The following RXFP1 variants were observed in gnomAD, a reference collection of about 807,000 sequenced individuals.
RXFP1 encodes the protein relaxin family peptide receptor 1.
RXFP1 carries 73 observed loss-of-function variants against 89.8 expected under a neutral mutation model. The ratio of observed to expected loss-of-function variants is 0.81; its 90% confidence interval spans 0.67 to 0.99. RXFP1 has a LOEUF of 0.99. Ranked by LOEUF, RXFP1 falls within the 50% of genes least tolerant of loss-of-function variation. The probability of loss-of-function intolerance (pLI) is 0.00; values close to 1 mark genes in which losing one functional copy is unlikely to be tolerated. For synonymous variants in RXFP1, 277 were observed against 305.5 expected, an observed-to-expected ratio of 0.91 and a Z score of 0.97; for missense variants, 793 against 895.5, an observed-to-expected ratio of 0.89 and a Z score of 1.46.
intron 6 of RXFP1, 58 bp from the exon 7 acceptor site, chr4:158,612,072 T>C: frequency 7.3e-7 from 1 of 1,363,318 alleles, no homozygotes; most frequent in Non-Finnish European, 1.0e-6. Context: ...TTTTTACTTT[T>C]CTTATTGTAA....
chr4:158,532,792 G>A (rs1744379586), intron 1 of RXFP1, among the ~76,000 whole-genome samples: 1 of 152,082 alleles, frequency 6.6e-6, no homozygotes, highest in Admixed American at 6.6e-5. Context: ...GCAGATTCGG[G>A]GCTGACAAAG....
chr4:158,607,530 A>T (rs1010839397), intron 5 of RXFP1, among the ~76,000 whole-genome samples: 1 of 152,224 alleles, frequency 6.6e-6, no homozygotes. Flanking sequence ...AGTTTAAAGA[A>T]TTATAACAAG....
chr4:158,577,127 C>G (rs1354111947), intron 2 of RXFP1, among the ~76,000 whole-genome samples: 1 of 152,072 alleles, frequency 6.6e-6, no homozygotes, highest in Admixed American at 6.6e-5. Flanking sequence ...CAACCTCTGC[C>G]TCCAGGATTC....
chr4:158,573,757 C>T (rs1388159338), intron 2 of RXFP1, among the ~76,000 whole-genome samples: 1 of 152,154 alleles, frequency 6.6e-6, no homozygotes, highest in African/African-American at 2.4e-5. Flanking sequence ...TTCCTAGCCT[C>T]TCTGTACCTC....
chr4:158,615,136 A>G (rs1320969349), intron 8 of RXFP1, among the ~76,000 whole-genome samples: 1 of 152,148 alleles, frequency 6.6e-6, no homozygotes, highest in African/African-American at 2.4e-5. Context: ...AATTGGCTTA[A>G]TTTCAATATT....
chr4:158,528,807 A>G (rs190948787), intron 1 of RXFP1, among the ~76,000 whole-genome samples: 2 of 152,378 alleles, frequency 1.3e-5, no homozygotes, highest in African/African-American at 4.8e-5. Flanking sequence ...AGACACTTCT[A>G]GTGTCCAGAG....
chr4:158,648,680 A>G lies in RXFP1; in HGVS notation c.1938A>G (p.Val646=), dbSNP rs771194936. Residue 646 remains valine (V), a synonymous_variant, in exon 17 of 18, where the codon GTA becomes GTG. Transcript: ENST00000307765. ...TDALCWIPIF[V]VKFLSLLQVE... ...CATTATGCTGGATACCCATTTTTGTAGTGAAATTTCTTTCACTGCTTCAGG... is the reference window on the plus strand; with the variant it reads ...CATTATGCTGGATACCCATTTTTGTGGTGAAATTTCTTTCACTGCTTCAGG... 22 of 1,609,488 alleles carry G rather than the reference A, an allele frequency of 1.4e-5. No individual in the cohort carries two copies. Among genetic ancestry groups the G allele is most frequent in the Middle Eastern group, 1.7e-4 (1 of 5,896 alleles).
intron 1 of RXFP1, among the ~76,000 whole-genome samples, chr4:158,549,554 G>A (rs1414941816): frequency 6.6e-6 from 1 of 152,112 alleles, no homozygotes; most frequent in Non-Finnish European, 1.5e-5. Flanking sequence ...CAGTTTTTCT[G>A]CTCTGTTTTT....
chr4:158,626,404 C>T (rs1466135561), intron 9 of RXFP1, among the ~76,000 whole-genome samples: 1 of 152,076 alleles, frequency 6.6e-6, no homozygotes, highest in Non-Finnish European at 1.5e-5. Context: ...ATAATAGAAT[C>T]TGATGCAGAC....
rs915560356 is a variant in RXFP1 at position 158,572,704 on chromosome 4, A to T, written c.56A>T (p.His19Leu). Residue 19 changes from histidine to leucine, a missense_variant, in exon 2 of 18, where the codon CAT becomes CTT. Physicochemically the swap from His to Leu is moderately conservative, Grantham distance 99. Coordinates refer to ENST00000307765, the MANE Select transcript of RXFP1 (RefSeq NM_021634.4). ...CTTCTCCCCTTTTCCTCAGTTTCTC[A>T]TGGGGGTGGACAGGATGTCAAGTGC... Reference protein sequence around the residue: ...YILIFGKYFSHGGGQDVKCSL... With the variant: ...YILIFGKYFSLGGGQDVKCSL... 6.2e-7 allele frequency: 1 copy of T among 1,614,082 alleles called. No homozygotes were observed. The highest frequency in any genetic ancestry group is 8.5e-7 in the Non-Finnish European group (1 of 1,179,992).
intron 9 of RXFP1, among the ~76,000 whole-genome samples, chr4:158,618,511 C>T (rs1183355238): frequency 6.6e-6 from 1 of 151,984 alleles, no homozygotes; most frequent in East Asian, 1.9e-4. Context: ...TCCAAAACAA[C>T]TTATTCCATA....
Position 158,584,200 on chromosome 4 carries a change from C to T in RXFP1, c.188-9201C>T, listed in dbSNP as rs149713473. 3.3e-5 allele frequency among the ~76,000 whole-genome samples: 5 copies of T among 152,118 alleles called. No individual in the cohort carries two copies. In the East Asian group the frequency reaches 5.8e-4, roughly 18 times the overall value. On this transcript the variant is annotated intron_variant, in intron 2 of 17. Transcript: ENST00000307765. ...CTGTAATCCGAGCACTTTGGGAGGCCGAGGTGGGTGGATCACAAGGTCAGG... is the reference window on the plus strand; with the variant it reads ...CTGTAATCCGAGCACTTTGGGAGGCTGAGGTGGGTGGATCACAAGGTCAGG...
At chr4:158,552,528 G>A (rs562194853) in intron 1 of RXFP1, among the ~76,000 whole-genome samples, 21 of 152,066 alleles carry the variant, frequency 1.4e-4, no homozygotes, top group East Asian at 1.9e-4. Flanking sequence ...AAAACATCTC[G>A]TCTTGTTTTA....
intron 5 of RXFP1, 136 bp downstream of exon 5, chr4:158,605,275 A>C: frequency 2.1e-6 from 1 of 466,702 alleles, no homozygotes; most frequent in Non-Finnish European, 3.9e-6. Flanking sequence ...TTTAGCTGTT[A>C]ACTGAAGACT....
chr4:158,556,339 CAGGGAAATGCA>C (rs1300609882), intron 1 of RXFP1, among the ~76,000 whole-genome samples: 1 of 151,926 alleles, frequency 6.6e-6, no homozygotes, highest in Non-Finnish European at 1.5e-5. Context: ...CACTAATTAT[CAGGGAAATGCA>C]AATCAAACCA....
At chr4:158,579,534 G>A (rs931997699) in intron 2 of RXFP1, among the ~76,000 whole-genome samples, 1 of 152,192 alleles carries the variant, frequency 6.6e-6, no homozygotes, top group Non-Finnish European at 1.5e-5. Flanking sequence ...AAAGTGCTGG[G>A]ATTACAGGCG....
rs755124953 is a variant in RXFP1, at chr4:158,645,153, G to T, written c.1345+15G>T. ...TTCTCTCTGCTGTGAGTATTTCCTG[G>T]TTAAAGGAGAATTGTAGTTTTGAAA... is the stretch of plus-strand genomic sequence containing the variant. On this transcript the variant is annotated intron_variant, in intron 15 of 17. Transcript: ENST00000307765. 1 of 1,568,488 alleles carries T rather than the reference G, an allele frequency of 6.4e-7. No homozygotes were observed. The highest frequency in any genetic ancestry group is 1.1e-5 in the South Asian group (1 of 89,980).
At chr4:158,586,915 A>C (rs1043509971) in intron 2 of RXFP1, among the ~76,000 whole-genome samples, 1 of 152,170 alleles carries the variant, frequency 6.6e-6, no homozygotes, top group African/African-American at 2.4e-5. Flanking sequence ...AAAATCAGCA[A>C]ATTGAAATTG....
intron 1 of RXFP1, among the ~76,000 whole-genome samples, chr4:158,530,178 A>G (rs1743674935): frequency 6.6e-6 from 1 of 152,248 alleles, no homozygotes; most frequent in African/African-American, 2.4e-5. Flanking sequence ...ACAAATTTTG[A>G]ACAAAATTTA....
Sources: allele counts gnomAD v4.1 joint callset (sites outside exome capture counted in the v4.1 genomes callset), GRCh38; gene constraint gnomAD v4.1.1; transcripts MANE v1.5; gene names NCBI Gene and HGNC (gene_info 2026-07-23, HGNC 2026-07-21).